Variants in ZNF568 observed in about 807,000 individuals in gnomAD.
ZNF568 encodes the protein zinc finger protein 568.
In ZNF568, 11 loss-of-function variants were observed where a neutral mutation model predicts 18.1. That is an observed-to-expected ratio of 0.61 (90% CI 0.38 to 1.00). The LOEUF is 1.00. ZNF568 is among the 50% of genes least tolerant of loss of function. The pLI is 0.01. For synonymous variants in ZNF568, 213 were observed against 246.6 expected, an observed-to-expected ratio of 0.86 and a Z score of 1.28; for missense variants, 639 against 768.2, an observed-to-expected ratio of 0.83 and a Z score of 1.99.
chr19:36,968,930 A>G (rs1057124640), intron 6 of ZNF568, among the ~76,000 whole-genome samples: 2 of 150,646 alleles, frequency 1.3e-5, no homozygotes, highest in African/African-American at 4.9e-5. Context: ...ATCTCAGCTC[A>G]CTGCAACCTC....
chr19:36,927,862 A>ATATATATATATATATATATATAT (rs2073587854), intron 4 of ZNF568, among the ~76,000 whole-genome samples: 2 of 44,660 alleles, frequency 4.5e-5, no homozygotes, highest in Non-Finnish European at 3.2e-5. Flanking sequence ...GTGTGTGTGT[A>ATATATATATATATATATATATAT]TATATATATA....
intron 4 of ZNF568, among the ~76,000 whole-genome samples, chr19:36,992,782 G>A (rs1035375089): frequency 5.3e-5 from 8 of 152,080 alleles, no homozygotes; most frequent in Non-Finnish European, 1.2e-4. Flanking sequence ...AAAATGAAAC[G>A]CCATACCCAT....
intron 6 of ZNF568, 43 bp downstream of exon 6, chr19:36,937,285 G>C: frequency 6.5e-7 from 1 of 1,535,742 alleles, no homozygotes; most frequent in South Asian, 1.1e-5. Flanking sequence ...AGCCACATGA[G>C]AGTTGTTCAG....
intron 6 of ZNF568, among the ~76,000 whole-genome samples, chr19:36,942,556 G>A (rs1205070394): frequency 1.3e-4 from 17 of 133,202 alleles, no homozygotes; most frequent in Non-Finnish European, 2.1e-4. Context: ...CCGAGATCAC[G>A]CCACTGCACT....
In ZNF568 at chr19:36,952,203, G is replaced by GATTAC; in HGVS notation, c.*1116_*1117insTTACA. The GATTAC allele has an allele frequency of 9.3e-6, 3 of 321,510 alleles. No individual in the cohort carries two copies. The highest frequency in any genetic ancestry group is 1.3e-5 in the Non-Finnish European group (3 of 223,882). 19.9% of individuals were successfully genotyped at this position (321,510 alleles called of 1,614,324 possible). A position where few individuals can be genotyped will look rare whatever the true frequency, so the allele number is the denominator to read the frequency against. On this transcript the variant is annotated 3_prime_UTR_variant, in exon 7 of 7. Coordinates refer to ENST00000333987, the MANE Select transcript of ZNF568 (RefSeq NM_198539.4). ...CATGCCTGTAATCCCAGCTACTTGG[G>GATTAC]AGGCTGATAGAAGAAGATAACTTGA...
At chr19:36,954,676 C>G (rs1343181754), downstream of ZNF568, among the ~76,000 whole-genome samples, 1 of 151,134 alleles carries the variant, frequency 6.6e-6, no homozygotes, top group Non-Finnish European at 1.5e-5. Flanking sequence ...TCAAGTGATT[C>G]TCCTGCCTTA....
chr19:36,963,999 G>A (rs1352028947), intron 6 of ZNF568, among the ~76,000 whole-genome samples: 1 of 138,396 alleles, frequency 7.2e-6, no homozygotes, highest in South Asian at 2.6e-4. Flanking sequence ...GGGGAGGGAC[G>A]GAGGGAGGGA....
At chr19:36,975,305 G>A (rs113490776) in intron 7 of ZNF568, among the ~76,000 whole-genome samples, 6 of 151,450 alleles carry the variant, frequency 4.0e-5, no homozygotes, top group African/African-American at 9.7e-5. Flanking sequence ...GTGCCACCAC[G>A]CCCGGCTAAT....
intron 6 of ZNF568, among the ~76,000 whole-genome samples, chr19:36,973,008 A>G (rs1049022220): frequency 9.9e-5 from 15 of 152,190 alleles, no homozygotes; most frequent in South Asian, 6.2e-4. Flanking sequence ...GTGTTTGCCC[A>G]GTTCCTGGGA....
At chr19:36,959,800 C>T (rs967214147) in intron 6 of ZNF568, among the ~76,000 whole-genome samples, 27 of 152,178 alleles carry the variant, frequency 1.8e-4, no homozygotes, top group Admixed American at 3.9e-4. Context: ...TATAGCTGCT[C>T]GTAAGTCTCT....
chr19:36,997,701 A>ACTCCTCTGTCCTGAAT, downstream of ZNF568: 1 of 866,954 alleles, frequency 1.2e-6, no homozygotes, highest in Non-Finnish European at 1.8e-6. Flanking sequence ...GAATTCATTC[A>ACTCCTCTGTCCTGAAT]GGACAGAGGA....
At chr19:36,945,210 AG>A (rs957816637) in intron 6 of ZNF568, among the ~76,000 whole-genome samples, 19 of 141,854 alleles carry the variant, frequency 1.3e-4, no homozygotes, top group African/African-American at 4.8e-4. Flanking sequence ...CAGAGAGAGA[AG>A]TGTGTGTGTG....
intron 6 of ZNF568, among the ~76,000 whole-genome samples, chr19:36,940,920 TAGAGG>T (rs2073869700): frequency 6.6e-6 from 1 of 152,132 alleles, no homozygotes; most frequent in Non-Finnish European, 1.5e-5. Flanking sequence ...ATGGCCTGAT[TAGAGG>T]AGAGAAGATT....
At chr19:36,997,252 CATCTT>C (rs770227878), downstream of ZNF568, 2 of 1,606,982 alleles carry the variant, frequency 1.2e-6, no homozygotes, top group African/African-American at 2.7e-5. Context: ...CTCTGATTCA[CATCTT>C]ATTCGACATC....
chr19:36,916,417 C>T lies in ZNF568; in HGVS notation c.-430C>T, dbSNP rs531854493. On this transcript the variant is annotated 5_prime_UTR_variant, in exon 1 of 7. Coordinates refer to ENST00000333987, the MANE Select transcript of ZNF568 (RefSeq NM_198539.4). The surrounding 1 kb of genome is among the most constrained non-coding windows in gnomAD (Gnocchi z 5.3). ...AGACCTATCTGCGGGTCGCCTTCAC[C>T]CAGCATCTCAGAAACTGCGCGCGGG... 6.5e-6 allele frequency: 1 copy of T among 153,390 alleles called. No homozygotes were observed. Among genetic ancestry groups the T allele is most frequent in the South Asian group, 2.0e-4 (1 of 4,886 alleles). 9.5% of individuals were successfully genotyped at this position (153,390 alleles called of 1,614,324 possible).
downstream of ZNF568, among the ~76,000 whole-genome samples, chr19:36,983,533 A>G (rs567103231): frequency 3.3e-5 from 5 of 152,244 alleles, no homozygotes; most frequent in East Asian, 9.7e-4. Flanking sequence ...AAAATCTTCC[A>G]TATATGATTG....
intron 2 of ZNF568, among the ~76,000 whole-genome samples, chr19:36,921,645 C>G (rs1173949234): frequency 1.3e-5 from 2 of 151,636 alleles, no homozygotes; most frequent in Non-Finnish European, 2.9e-5. Flanking sequence ...TTTTTTTACC[C>G]TTTACCTAAT....
At chr19:36,917,303 G>A (rs2073359317) in intron 1 of ZNF568, among the ~76,000 whole-genome samples, 1 of 152,192 alleles carries the variant, frequency 6.6e-6, no homozygotes, top group African/African-American at 2.4e-5. Context: ...AAGAGAGATT[G>A]CCTCAACCAG....
Position 36,950,507 on chromosome 19 carries a change from G to A in ZNF568, c.1354G>A (p.Gly452Arg). ...AEKPYECKEC[G>R]KAFSRKENLI... ...GAAACCCTATGAATGTAAGGAATGT[G>A]GAAAAGCCTTCAGCAGGAAAGAAAA... is the stretch of plus-strand genomic sequence containing the variant. Residue 452 changes from glycine to arginine, a missense_variant, in exon 7 of 7, where the codon GGA becomes AGA. Gly to Arg is a moderately radical substitution (Grantham distance 125). Transcript: ENST00000333987. The A allele has an allele frequency of 6.2e-7, 1 of 1,613,842 alleles. No individual in the cohort carries two copies. Among genetic ancestry groups the A allele is most frequent in the South Asian group, 1.1e-5 (1 of 91,050 alleles).
Sources: gnomAD v4.1 joint callset for allele counts (sites outside exome capture counted in the v4.1 genomes callset) on GRCh38, gnomAD v4.1.1 for gene constraint, Gnocchi (gnomAD v3.1) non-coding constraint, MANE v1.5 for transcripts, NCBI Gene and HGNC (gene_info 2026-07-23, HGNC 2026-07-21) for gene names.